KYAT3: variants seen among roughly 807,000 people sequenced by gnomAD.
The protein encoded by KYAT3 is kynurenine aminotransferase 3.
KYAT3 carries 50 observed loss-of-function variants against 59.0 expected under a neutral mutation model. The ratio of observed to expected loss-of-function variants is 0.85; its 90% CI spans 0.68 to 1.07. The LOEUF is 1.07. Among genes scored for constraint, KYAT3 ranks in the 50% least tolerant of loss-of-function variants. KYAT3 has a pLI of 0.00. For synonymous variants in KYAT3, 148 were observed against 177.0 expected, an observed-to-expected ratio of 0.84 and a Z score of 1.30; for missense variants, 497 against 533.3, an observed-to-expected ratio of 0.93 and a Z score of 0.67.
chr1:88,987,931 C>T (rs1438877019), intron 2 of KYAT3, among the ~76,000 whole-genome samples: 2 of 152,088 alleles, frequency 1.3e-5, no homozygotes, highest in South Asian at 2.1e-4. Flanking sequence ...AAACCTTTTT[C>T]GATCCCTGAG....
At chr1:88,935,733 G>C (rs1316072034), downstream of KYAT3, 1 of 342,024 alleles carries the variant, frequency 2.9e-6, no homozygotes, top group Non-Finnish European at 5.2e-6. Context: ...TTGAGGGGTG[G>C]AACTGGTTAG....
At chr1:88,968,591 A>G in intron 4 of KYAT3, 79 bp downstream of exon 4, 1 of 1,143,606 alleles carries the variant, frequency 8.7e-7, no homozygotes, top group Non-Finnish European at 1.2e-6. Flanking sequence ...TGAATGACAG[A>G]AGGGCACATG....
rs756044375 is a variant in KYAT3, at chr1:88,968,710, A to G, written c.263T>C (p.Ile88Thr). 6.3e-7 allele frequency: 1 copy of G among 1,599,106 alleles called. No individual in the cohort carries two copies. Among genetic ancestry groups the G allele is most frequent in the Non-Finnish European group, 8.5e-7 (1 of 1,175,980 alleles). ...PTYVKEELSK[I>T]AAIDSLNQYT... ...CTGATTCAGGCTATCGATTGCTGCA[A>G]TCTTTGATAATTCTTCTTTTACATA... The change falls in exon 4 of 14, where the codon ATT becomes ACT. Residue 88 changes from isoleucine to threonine, a missense_variant. Physicochemically the swap from Ile to Thr is moderately conservative, Grantham distance 89 (BLOSUM62 -1). Coordinates refer to ENST00000260508, the MANE Select transcript of KYAT3 (RefSeq NM_001008661.3).
At chr1:88,985,919 G>A (rs1403844624) in intron 2 of KYAT3, among the ~76,000 whole-genome samples, 1 of 152,084 alleles carries the variant, frequency 6.6e-6, no homozygotes. Flanking sequence ...AGTGACTCAT[G>A]CCTGTAATCT....
chr1:88,989,445 G>T (rs184181829), intron 1 of KYAT3, among the ~76,000 whole-genome samples: 1 of 152,152 alleles, frequency 6.6e-6, no homozygotes, highest in East Asian at 1.9e-4. Context: ...TTCACAATAG[G>T]TGAATAAATT....
At chr1:88,971,078 G>A (rs530991897) in intron 2 of KYAT3, among the ~76,000 whole-genome samples, 2 of 152,218 alleles carry the variant, frequency 1.3e-5, no homozygotes, top group African/African-American at 4.8e-5. Context: ...TAGCATGATA[G>A]GTTGAAATAT....
At chr1:88,977,220 AGAC>A (rs1321633768) in intron 2 of KYAT3, among the ~76,000 whole-genome samples, 2 of 151,712 alleles carry the variant, frequency 1.3e-5, no homozygotes, top group South Asian at 2.1e-4. Context: ...TATTTTTTTG[AGAC>A]GACGTTTCGC....
At chr1:88,958,658 T>C (rs1026944746) in intron 8 of KYAT3, among the ~76,000 whole-genome samples, 1 of 152,240 alleles carries the variant, frequency 6.6e-6, no homozygotes, top group Non-Finnish European at 1.5e-5. Flanking sequence ...TAAATGCATA[T>C]TAATGGCAAA....
chr1:88,983,228 G>C (rs1677204583), intron 2 of KYAT3: 1 of 1,613,272 alleles, frequency 6.2e-7, no homozygotes, highest in Non-Finnish European at 8.5e-7. Context: ...TCTACGAGAG[G>C]GGAGCGGTTC....
chr1:88,960,809 T>C (rs1437631584), intron 8 of KYAT3, among the ~76,000 whole-genome samples: 1 of 152,192 alleles, frequency 6.6e-6, no homozygotes, highest in Non-Finnish European at 1.5e-5. Flanking sequence ...CTTGGCATTT[T>C]GGTAAGTTGT....
chr1:88,961,529 T>G (rs751159288), intron 6 of KYAT3, 23 bp from the exon 7 acceptor site: 1 of 1,592,682 alleles, frequency 6.3e-7, no homozygotes, highest in Non-Finnish European at 8.6e-7. Context: ...AATGAAGATA[T>G]AATTTAATTC....
In KYAT3 at chr1:88,953,168, A is replaced by C. The variant is rs767847308; in HGVS notation, c.865-16T>G. On this transcript the variant is annotated splice_polypyrimidine_tract_variant and intron_variant, in intron 9 of 13. Transcript: ENST00000260508. ...ACCAGCCAAGCTGGGAAAGGAAAAG[A>C]TAAAAGATTTCAGAAAATCTAATTG... The C allele has an allele frequency of 1.3e-6, 2 of 1,562,604 alleles. No homozygotes were observed. Among genetic ancestry groups the C allele is most frequent in the African/African-American group, 2.7e-5 (2 of 73,630 alleles).
At chr1:88,982,657 G>C in intron 2 of KYAT3, 1 of 1,593,840 alleles carries the variant, frequency 6.3e-7, no homozygotes, top group Non-Finnish European at 8.5e-7. Context: ...TTTGTTTCTA[G>C]TATCTGCTTC....
At position 88,969,424 on chromosome 1, in the gene KYAT3, A is replaced by C; in HGVS notation, c.143T>G (p.Leu48Arg). 1 of 1,570,692 alleles carries C rather than the reference A, an allele frequency of 6.4e-7. No individual in the cohort carries two copies. Among genetic ancestry groups the C allele is most frequent in the Non-Finnish European group, 8.8e-7 (1 of 1,142,162 alleles). Residue 48 changes from leucine to arginine, a missense_variant, in exon 3 of 14, where the codon CTT (leucine) becomes CGT (arginine). Transcript: ENST00000260508. ...AGATACTCACCACACATTACTATCA[A>C]GTCCTTCAATCCGTTTTGCATTTGT... ...KFTNAKRIEG[L>R]DSNVWIEFTK...
chr1:88,947,934 A>T (rs1007639192), intron 11 of KYAT3, among the ~76,000 whole-genome samples: 6 of 152,096 alleles, frequency 3.9e-5, no homozygotes, highest in Non-Finnish European at 5.9e-5. Flanking sequence ...TCTAAAAAAA[A>T]TTTAAAAATT....
chr1:88,924,097 A>T, the KYAT3 span, among the ~76,000 whole-genome samples: 11 of 152,306 alleles, frequency 7.2e-5, no homozygotes, highest in African/African-American at 2.6e-4. Flanking sequence ...ACTGTGTTCA[A>T]TCTTAACTAA....
downstream of KYAT3, among the ~76,000 whole-genome samples, chr1:88,934,210 T>C (rs1368542772): frequency 6.6e-6 from 1 of 152,188 alleles, no homozygotes; most frequent in African/African-American, 2.4e-5. Flanking sequence ...ATTCCAGCAC[T>C]TTGGGAGGCT....
At chr1:88,969,597 G>T in intron 2 of KYAT3, 130 bp from the exon 3 acceptor site, 1 of 593,010 alleles carries the variant, frequency 1.7e-6, no homozygotes, top group South Asian at 2.0e-5. Context: ...ATAAATCTTA[G>T]ACTCCAACAC....
At chr1:88,947,438 C>G (rs1675487628) in intron 11 of KYAT3, among the ~76,000 whole-genome samples, 2 of 152,210 alleles carry the variant, frequency 1.3e-5, no homozygotes, top group Non-Finnish European at 2.9e-5. Flanking sequence ...ACACCGGAAC[C>G]TAACTCTCCT....
Sources: gnomAD v4.1 joint callset for allele counts (sites outside exome capture counted in the v4.1 genomes callset) on GRCh38, gnomAD v4.1.1 for gene constraint, MANE v1.5 for transcripts, NCBI Gene and HGNC (gene_info 2026-07-23, HGNC 2026-07-21) for gene names.